The following KIAA0586 variants were observed in gnomAD, a reference collection of about 807,000 sequenced individuals.
KIAA0586 encodes the protein KIAA0586, also known as protein TALPID3.
KIAA0586 carries 144 observed loss-of-function variants against 169.8 expected under a neutral mutation model. The observed-to-expected ratio is 0.85, with a 90% confidence interval of 0.74 to 0.97. KIAA0586 has a LOEUF of 0.97. Ranked by LOEUF, KIAA0586 falls within the 50% of genes least tolerant of loss-of-function variation. KIAA0586 has a pLI of 0.00. For synonymous variants in KIAA0586, 625 were observed against 612.4 expected (o/e 1.02, Z -0.30); for missense variants, 1,854 against 1,823.0 (o/e 1.02, Z -0.31).
At position 58,470,703 on chromosome 14, in the gene KIAA0586, C is replaced by T. The variant is rs377023593; in HGVS notation, c.2533C>T (p.Pro845Ser). The T allele has an allele frequency of 2.1e-5, 33 of 1,577,684 alleles. No individual in the cohort carries two copies. In the East Asian group the frequency reaches 3.8e-4, roughly 18 times the overall value. Residue 845 changes from proline (P) to serine (S), a missense_variant, in exon 17 of 31, where the codon CCT becomes TCT. Coordinates refer to ENST00000652326, the MANE Select transcript of KIAA0586 (RefSeq NM_001329943.3). ...LSSPKEASLP[P>S]VQTWIKTPEI... ...TAGCCCCAAAGAAGCATCTCTTCCT[C>T]CTGTGCAAACTTGGATAAAGGTATA...
the KIAA0586 span, among the ~76,000 whole-genome samples, chr14:58,560,907 A>G: frequency 6.6e-6 from 1 of 152,220 alleles, no homozygotes; most frequent in Non-Finnish European, 1.5e-5. Flanking sequence ...CTTGCTTGTA[A>G]GATGAATGTA....
intron 21 of KIAA0586, 65 bp downstream of exon 21, chr14:58,482,777 C>A: frequency 9.4e-7 from 1 of 1,058,506 alleles, no homozygotes; most frequent in Non-Finnish European, 1.3e-6. Flanking sequence ...AGCTGCATAC[C>A]ATAAGATCAT....
At chr14:58,470,501 G>T in intron 16 of KIAA0586, 112 bp from the exon 17 acceptor site, 1 of 446,682 alleles carries the variant, frequency 2.2e-6, no homozygotes, top group Non-Finnish European at 3.8e-6. Flanking sequence ...GGCATGCTTT[G>T]TTTTTATGTA....
chr14:58,446,057 A>G (rs878982609), intron 6 of KIAA0586, among the ~76,000 whole-genome samples: 29 of 150,900 alleles, frequency 1.9e-4, no homozygotes, highest in Admixed American at 4.0e-4. Flanking sequence ...TTTAGTAGAG[A>G]TGGGGTTTCA....
At chr14:58,489,505 C>A (rs564784393) in intron 24 of KIAA0586, among the ~76,000 whole-genome samples, 68 of 152,140 alleles carry the variant, frequency 4.5e-4, no homozygotes, top group Non-Finnish European at 4.9e-4. Context: ...TAGGCCTGAA[C>A]CACCTCACCC....
intron 27 of KIAA0586, among the ~76,000 whole-genome samples, chr14:58,506,819 T>C (rs2043980856): frequency 6.6e-6 from 1 of 152,012 alleles, no homozygotes; most frequent in African/African-American, 2.4e-5. Context: ...AGAATGCCTT[T>C]AAATGGAAAA....
rs1250092953 is a variant in KIAA0586, at chr14:58,476,654, C to T, written c.2826-469C>T. On this transcript the variant is annotated intron_variant, in intron 19 of 30. Transcript: ENST00000652326. ...GGAGATTCTGTTTAGTGTGTTTTAT[C>T]TTCTTCAGAGGTACTTTTTTTTTTT... 4.2e-5 allele frequency among the ~76,000 whole-genome samples: 6 copies of T among 141,182 alleles called. No homozygotes were observed. The Admixed American group carries it at 4.4e-4, about 10-fold the overall frequency. The allele number at this position is 141,182 out of a possible 152,430, so 92.6% of individuals were successfully genotyped here.
intron 21 of KIAA0586, among the ~76,000 whole-genome samples, chr14:58,486,613 A>G (rs995856377): frequency 3.9e-5 from 6 of 152,236 alleles, no homozygotes; most frequent in East Asian, 1.9e-4. Context: ...AAAGATTGCC[A>G]TAAATATATA....
intron 27 of KIAA0586, among the ~76,000 whole-genome samples, chr14:58,507,358 T>TATATC (rs889312335): frequency 6.9e-6 from 1 of 145,358 alleles, no homozygotes; most frequent in Non-Finnish European, 1.5e-5. Context: ...TCATATATAA[T>TATATC]ATATCATATA....
intron 29 of KIAA0586, among the ~76,000 whole-genome samples, chr14:58,520,451 G>T (rs2045121076): frequency 6.6e-6 from 1 of 152,130 alleles, no homozygotes; most frequent in East Asian, 1.9e-4. Flanking sequence ...CATACAAGAT[G>T]TGGTTTTCTT....
In KIAA0586 at chr14:58,482,494, T is replaced by A; in HGVS notation, c.2945-19T>A. 2.3e-5 allele frequency: 31 copies of A among 1,363,752 alleles called. No homozygotes were observed. Among genetic ancestry groups the A allele is most frequent in the Non-Finnish European group, 2.8e-5 (29 of 1,030,264 alleles). The allele number at this position is 1,363,752 out of a possible 1,614,324, so 84.5% of individuals were successfully genotyped here. ...ATGTTTCTTGCCCACTTATTCTGAT[T>A]TTTTTTTTTTACTTTTAGTGGAAGG... On this transcript the variant is annotated intron_variant, in intron 20 of 30. Transcript: ENST00000652326.
chr14:58,457,099 A>T (rs901791391), intron 10 of KIAA0586, among the ~76,000 whole-genome samples: 4 of 152,188 alleles, frequency 2.6e-5, no homozygotes, highest in Non-Finnish European at 4.4e-5. Flanking sequence ...GACTTCATTT[A>T]TCCAATCCAC....
Position 58,430,756 on chromosome 14 carries a change from A to G in KIAA0586, c.340+39A>G, listed in dbSNP as rs763964833. On this transcript the variant is annotated intron_variant, in intron 3 of 30. Coordinates refer to ENST00000652326, the MANE Select transcript of KIAA0586 (RefSeq NM_001329943.3). ...ATTGATTTTTTTAAATTGTGACAAC[A>G]TATACATAACATAAAGTTTACTACT... The G allele has an allele frequency of 1.1e-5, 13 of 1,158,426 alleles. No individual in the cohort carries two copies. The Admixed American group carries it at 1.9e-4, about 17-fold the overall frequency. 71.8% of individuals were successfully genotyped at this position (1,158,426 alleles called of 1,614,324 possible). A position where few individuals can be genotyped will look rare whatever the true frequency, so the allele number is the denominator to read the frequency against.
At chr14:58,458,382 G>C (rs1425186008) in intron 11 of KIAA0586, 91 bp from the exon 12 acceptor site, 2 of 690,274 alleles carry the variant, frequency 2.9e-6, no homozygotes, top group Non-Finnish European at 5.0e-6. Flanking sequence ...TAGGATAGCA[G>C]GTTCACAACT....
intron 29 of KIAA0586, chr14:58,539,852 A>G (rs1595539325): frequency 5.3e-6 from 2 of 379,934 alleles, no homozygotes; most frequent in East Asian, 4.2e-5. Flanking sequence ...GCATAAAGAT[A>G]ATAATCCGTT....
Position 58,488,780 on chromosome 14 carries a change from A to G in KIAA0586, c.3687A>G (p.Thr1229=), listed in dbSNP as rs773464253. The change falls in exon 24 of 31, where the codon ACA becomes ACG. Residue 1229 remains threonine, a synonymous_variant. Coordinates refer to ENST00000652326, the MANE Select transcript of KIAA0586 (RefSeq NM_001329943.3). ...CTGATTCATCAACACTGGAGAGCAC[A>G]TTGAGTGTTACTGTCACTGAAACTG... ...PGSDSSTLES[T]LSVTVTETET... is the part of the protein sequence containing the mutation. 1.9e-6 allele frequency: 3 copies of G among 1,613,758 alleles called. No individual in the cohort carries two copies. Among genetic ancestry groups the G allele is most frequent in the African/African-American group, 1.3e-5 (1 of 74,908 alleles).
At chr14:58,557,968 G>C in the KIAA0586 span, among the ~76,000 whole-genome samples, 2 of 131,958 alleles carry the variant, frequency 1.5e-5, no homozygotes, top group South Asian at 2.5e-4. Flanking sequence ...GGAGTGCAGT[G>C]GTGTGATCTT....
chr14:58,517,969 TGAA>T (rs2044886963), intron 29 of KIAA0586, among the ~76,000 whole-genome samples: 1 of 152,198 alleles, frequency 6.6e-6, no homozygotes, highest in Non-Finnish European at 1.5e-5. Context: ...GTGGTTGCCT[TGAA>T]GAAGAGTTTG....
intron 29 of KIAA0586, among the ~76,000 whole-genome samples, chr14:58,533,490 C>T (rs2046105673): frequency 6.6e-6 from 1 of 152,148 alleles, no homozygotes; most frequent in Non-Finnish European, 1.5e-5. Flanking sequence ...CTCTGGGTGA[C>T]TGTTATTGTC....
Sources: gnomAD v4.1 joint callset for allele counts (sites outside exome capture counted in the v4.1 genomes callset) on GRCh38, gnomAD v4.1.1 for gene constraint, MANE v1.5 for transcripts, NCBI Gene and HGNC (gene_info 2026-07-23, HGNC 2026-07-21) for gene names.